Variants in TENM3 observed in about 807,000 individuals in gnomAD.
The protein encoded by TENM3 is teneurin-3.
Under a neutral mutation model 255.1 loss-of-function variants are expected in TENM3, and 63 were observed. The ratio of observed to expected loss-of-function variants is 0.25; its 90% CI spans 0.20 to 0.30. TENM3 has a LOEUF of 0.30. TENM3 is among the 10% of genes least tolerant of loss of function. The pLI, the probability that TENM3 is intolerant of heterozygous loss-of-function variation, is 1.00. For missense variants in TENM3, 2,929 were observed against 3,461.1 expected (o/e 0.85, Z 3.86); for synonymous variants, 1,306 against 1,322.3 (o/e 0.99, Z 0.27).
chr4:182,271,259 A>AAAGGAAGGTTAGGAAGGG (rs1561266839), intron 1 of TENM3, among the ~76,000 whole-genome samples: 3 of 152,168 alleles, frequency 2.0e-5, no homozygotes, highest in Non-Finnish European at 2.9e-5. Context: ...GACAGTTCAA[A>AAAGGAAGGTTAGGAAGGG]GCCTAACCAC....
At chr4:182,770,655 G>A (rs1200401728) in intron 22 of TENM3, among the ~76,000 whole-genome samples, 1 of 152,236 alleles carries the variant, frequency 6.6e-6, no homozygotes, top group African/African-American at 2.4e-5. Context: ...ATGTCAGCGT[G>A]AACACATCTC....
intron 12 of TENM3, among the ~76,000 whole-genome samples, chr4:182,700,021 A>G (rs1403639571): frequency 6.6e-6 from 1 of 152,168 alleles, no homozygotes; most frequent in Non-Finnish European, 1.5e-5. Flanking sequence ...AACCAGCTGC[A>G]GAATAATATG....
Position 182,646,934 on chromosome 4 carries a change from A to G in TENM3, c.989-6837A>G, listed in dbSNP as rs1752805335. 2.0e-5 allele frequency among the ~76,000 whole-genome samples: 3 copies of G among 152,300 alleles called. No individual in the cohort carries two copies. The South Asian group carries it at 6.2e-4, about 32-fold the overall frequency. ...TAAAGGGAAGGAGAGAAATTAAGCA[A>G]AAATTTGAAAGATATCAGAATTAAG... is the stretch of plus-strand genomic sequence containing the variant. On this transcript the variant is annotated intron_variant, in intron 5 of 27. Coordinates refer to ENST00000511685, the MANE Select transcript of TENM3 (RefSeq NM_001080477.4).
chr4:181,889,126 C>G, the TENM3 span, among the ~76,000 whole-genome samples: 38 of 152,070 alleles, frequency 2.5e-4, no homozygotes, highest in Admixed American at 1.8e-3. Flanking sequence ...TTGTCCCTTC[C>G]AAATCTCACA....
chr4:182,615,030 A>T (rs1451677035), intron 4 of TENM3, among the ~76,000 whole-genome samples: 1 of 83,066 alleles, frequency 1.2e-5, no homozygotes, highest in Non-Finnish European at 2.6e-5. Context: ...GTTTCTCAGA[A>T]AAAAAAAAAA....
chr4:182,247,584 A>G (rs547435565), intron 1 of TENM3, among the ~76,000 whole-genome samples: 32 of 152,312 alleles, frequency 2.1e-4, no homozygotes, highest in African/African-American at 7.2e-4. Flanking sequence ...ACTAGATTTT[A>G]AGATTTTTCA....
At chr4:181,586,467 C>T in the TENM3 span, among the ~76,000 whole-genome samples, 1 of 152,164 alleles carries the variant, frequency 6.6e-6, no homozygotes, top group African/African-American at 2.4e-5. Context: ...GAGACGACGA[C>T]CAGGCAATCT....
At chr4:182,082,458 C>T in the TENM3 span, among the ~76,000 whole-genome samples, 3 of 152,150 alleles carry the variant, frequency 2.0e-5, no homozygotes, top group African/African-American at 7.2e-5. Flanking sequence ...CATGTACTCA[C>T]CACCCAGCTT....
chr4:182,691,141 C>T (rs1350450218), intron 12 of TENM3, among the ~76,000 whole-genome samples: 1 of 152,226 alleles, frequency 6.6e-6, no homozygotes, highest in Admixed American at 6.5e-5. Flanking sequence ...CCTTAGTGGC[C>T]CTACGGGGCC....
At chr4:181,513,433 G>A in the TENM3 span, among the ~76,000 whole-genome samples, 150 of 152,166 alleles carry the variant, frequency 9.9e-4, no homozygotes, top group Non-Finnish European at 1.7e-3. Context: ...AAATGTAACC[G>A]GAGGCCCTCA....
the TENM3 span, among the ~76,000 whole-genome samples, chr4:181,668,243 T>C: frequency 6.6e-6 from 1 of 152,226 alleles, no homozygotes; most frequent in Non-Finnish European, 1.5e-5. Flanking sequence ...CTGGCTTTCA[T>C]GTTCCTCCAA....
At chr4:182,186,975 C>T (rs1046481972) in intron 1 of TENM3, among the ~76,000 whole-genome samples, 22 of 150,096 alleles carry the variant, frequency 1.5e-4, no homozygotes, top group Non-Finnish European at 3.3e-4. Context: ...TATGCTTTGC[C>T]TTTTTTTAAT....
chr4:181,925,370 T>C, the TENM3 span, among the ~76,000 whole-genome samples: 1 of 152,220 alleles, frequency 6.6e-6, no homozygotes, highest in African/African-American at 2.4e-5. Context: ...AAGAACATTA[T>C]TGGTTTACCT....
intron 6 of TENM3, among the ~76,000 whole-genome samples, chr4:182,660,315 G>A (rs1233932985): frequency 6.6e-6 from 1 of 152,128 alleles, no homozygotes; most frequent in Non-Finnish European, 1.5e-5. Flanking sequence ...TAAAGTATAC[G>A]AAGGGCCATG....
the TENM3 span, among the ~76,000 whole-genome samples, chr4:182,032,151 C>T: frequency 1.3e-5 from 2 of 152,144 alleles, no homozygotes; most frequent in South Asian, 2.1e-4. Context: ...GGAATGCTTC[C>T]AGCTTTTGCC....
intron 3 of TENM3, among the ~76,000 whole-genome samples, chr4:182,591,372 T>G (rs1189854132): frequency 6.6e-6 from 1 of 152,246 alleles, no homozygotes; most frequent in Non-Finnish European, 1.5e-5. Flanking sequence ...AGTGAATCAC[T>G]TCATCTGTGT....
intron 3 of TENM3, among the ~76,000 whole-genome samples, chr4:182,562,646 A>G (rs1220566632): frequency 6.6e-6 from 1 of 152,142 alleles, no homozygotes; most frequent in East Asian, 1.9e-4. Context: ...AACACCCTGC[A>G]CAGCCACCTT....
At chr4:182,777,511 A>ATGTGTGTGTG (rs150202066) in intron 24 of TENM3, among the ~76,000 whole-genome samples, 7,919 of 99,756 alleles carry the variant, frequency 0.079, 339 homozygotes, top group East Asian at 0.14. Context: ...TAATGTGTTT[A>ATGTGTGTGTG]TGTGTGTGTG....
At chr4:181,701,952 T>C in the TENM3 span, among the ~76,000 whole-genome samples, 1 of 152,192 alleles carries the variant, frequency 6.6e-6, no homozygotes, top group Non-Finnish European at 1.5e-5. Context: ...AGCTGGGTCC[T>C]TGTCCAGTTT....
Sources: gnomAD v4.1 joint callset for allele counts (sites outside exome capture counted in the v4.1 genomes callset) on GRCh38, gnomAD v4.1.1 for gene constraint, MANE v1.5 for transcripts, NCBI Gene and HGNC (gene_info 2026-07-23, HGNC 2026-07-21) for gene names.